Variants in CAMSAP2 observed in about 807,000 individuals in gnomAD.
CAMSAP2 encodes calmodulin-regulated spectrin-associated protein 2.
In CAMSAP2, 26 loss-of-function variants were observed where a neutral mutation model predicts 146.1. That is an observed-to-expected ratio of 0.18 (90% CI 0.13 to 0.25). The LOEUF (loss-of-function observed/expected upper bound fraction) is 0.25, where lower values mean the gene tolerates loss of function less well. Among genes scored for constraint, CAMSAP2 ranks in the 10% least tolerant of loss-of-function variants. The pLI, the probability that CAMSAP2 is intolerant of heterozygous loss-of-function variation, is 1.00. For missense variants in CAMSAP2, 1,381 were observed against 1,759.3 expected (o/e 0.78, Z 3.85); for synonymous variants, 499 against 596.6 (o/e 0.84, Z 2.38).
chr1:200,815,687 T>G, intron 4 of CAMSAP2, 43 bp downstream of exon 4: 1 of 969,628 alleles, frequency 1.0e-6, no homozygotes, highest in South Asian at 1.8e-5. Context: ...TGAGACTGTA[T>G]ATATGTTCAC....
chr1:200,825,560 G>A (rs547824575), intron 4 of CAMSAP2, among the ~76,000 whole-genome samples: 120 of 149,566 alleles, frequency 8.0e-4, no homozygotes, highest in Middle Eastern at 3.4e-3. Context: ...AGGCTGGAGT[G>A]CAATGGTGCG....
At chr1:200,754,275 ATGT>A (rs1048682307) in intron 1 of CAMSAP2, among the ~76,000 whole-genome samples, 4 of 152,172 alleles carry the variant, frequency 2.6e-5, no homozygotes, top group Non-Finnish European at 2.9e-5. Flanking sequence ...TGCAGAAGAG[ATGT>A]TGTAGTCTCA....
intron 2 of CAMSAP2, among the ~76,000 whole-genome samples, chr1:200,768,076 A>G (rs557426735): frequency 1.3e-5 from 2 of 152,332 alleles, no homozygotes; most frequent in East Asian, 3.9e-4. Context: ...GAGCTTCTGC[A>G]TTGTCCTTTG....
chr1:200,843,982 C>T (rs1667394304), intron 7 of CAMSAP2, among the ~76,000 whole-genome samples: 1 of 152,074 alleles, frequency 6.6e-6, no homozygotes, highest in African/African-American at 2.4e-5. Context: ...CGCCATTCTC[C>T]TGCCTCAGCC....
intron 4 of CAMSAP2, among the ~76,000 whole-genome samples, chr1:200,831,181 C>T (rs1024499546): frequency 5.3e-5 from 8 of 152,108 alleles, no homozygotes; most frequent in East Asian, 1.9e-4. Flanking sequence ...AAAATACTTT[C>T]GTGTGTACAT....
chr1:200,741,874 G>A (rs1049551938), intron 1 of CAMSAP2, among the ~76,000 whole-genome samples: 1 of 152,174 alleles, frequency 6.6e-6, no homozygotes, highest in African/African-American at 2.4e-5. Context: ...TGTAGGTAGT[G>A]TGTTCCCCAT....
chr1:200,848,573 A>G lies in CAMSAP2; in HGVS notation c.1804A>G (p.Ile602Val). The change falls in exon 11 of 17, where the codon ATA (isoleucine) becomes GTA (valine). Residue 602 changes from isoleucine (I) to valine (V), a missense_variant. Physicochemically the swap from Ile to Val is conservative, Grantham distance 29. Transcript: ENST00000358823. ...VTDTKGALSP[I>V]TDNTEVDTGI... ...TGATACGAAAGGTGCCTTGAGTCCC[A>G]TAACTGACAATACTGAAGTAGACAC... 1.2e-6 allele frequency: 2 copies of G among 1,614,136 alleles called. No homozygotes were observed. Among genetic ancestry groups the G allele is most frequent in the South Asian group, 1.1e-5 (1 of 91,086 alleles).
intron 1 of CAMSAP2, among the ~76,000 whole-genome samples, chr1:200,751,117 G>T (rs1664493942): frequency 6.6e-6 from 1 of 151,070 alleles, no homozygotes; most frequent in Non-Finnish European, 1.5e-5. Flanking sequence ...TGGCCAGGCT[G>T]ATCTTGAACT....
At chr1:200,768,946 C>T (rs1217498360) in intron 2 of CAMSAP2, among the ~76,000 whole-genome samples, 1 of 152,140 alleles carries the variant, frequency 6.6e-6, no homozygotes, top group African/African-American at 2.4e-5. Flanking sequence ...AGCCACTGTG[C>T]CTGGCTGGAG....
intron 2 of CAMSAP2, among the ~76,000 whole-genome samples, chr1:200,803,028 T>G (rs1032940239): frequency 7.2e-5 from 11 of 152,216 alleles, no homozygotes; most frequent in Non-Finnish European, 1.3e-4. Flanking sequence ...TTTTCTTCCA[T>G]AACCAGCCTT....
rs1667676362 is a variant in CAMSAP2 at position 200,853,475 on chromosome 1, C to T, written c.3803C>T (p.Thr1268Ile). ...AGAGATCATATTGAATCCCCCAAAA[C>T]ACCAATAAAGGGTCCTCCAGGTAAC... is the stretch of plus-strand genomic sequence containing the variant. ...IHRDHIESPK[T>I]PIKGPPVSSL... Residue 1268 changes from threonine (T) to isoleucine (I), a missense_variant, in exon 13 of 17, where the codon ACA (threonine) becomes ATA (isoleucine). Thr to Ile is a moderately conservative substitution (Grantham distance 89). Transcript: ENST00000358823. The surrounding 1 kb of genome is among the most constrained non-coding windows in gnomAD (Gnocchi z 5.1). 6.2e-7 allele frequency: 1 copy of T among 1,612,992 alleles called. No homozygotes were observed. The highest frequency in any genetic ancestry group is 8.5e-7 in the Non-Finnish European group (1 of 1,179,394).
In CAMSAP2 at chr1:200,860,252, TAC is replaced by T. The variant is rs1558215426; in HGVS notation, c.*2195_*2196del. On this transcript the variant is annotated 3_prime_UTR_variant, in exon 17 of 17. Transcript: ENST00000358823. ...TTTTTTAATTATGTTTTTAAAATTA[TAC>T]AGTTGAAAAATATGCCATTTCATAA... is the stretch of plus-strand genomic sequence containing the variant. 6.5e-6 allele frequency: 1 copy of T among 152,728 alleles called. No individual in the cohort carries two copies. The highest frequency in any genetic ancestry group is 2.4e-5 in the African/African-American group (1 of 41,464). 9.5% of individuals were successfully genotyped at this position (152,728 alleles called of 1,614,324 possible).
At chr1:200,786,254 T>C (rs1381686257) in intron 2 of CAMSAP2, among the ~76,000 whole-genome samples, 3 of 152,124 alleles carry the variant, frequency 2.0e-5, no homozygotes, top group African/African-American at 7.2e-5. Flanking sequence ...TTCTGTTCTT[T>C]ATTATTTCTT....
At chr1:200,785,991 A>G (rs892892015) in intron 2 of CAMSAP2, among the ~76,000 whole-genome samples, 2 of 152,180 alleles carry the variant, frequency 1.3e-5, no homozygotes, top group African/African-American at 2.4e-5. Flanking sequence ...CACCCAGCCA[A>G]TTTTGGTTAT....
intron 3 of CAMSAP2, among the ~76,000 whole-genome samples, chr1:200,814,000 C>T (rs772867010): frequency 4.7e-5 from 7 of 149,830 alleles, no homozygotes; most frequent in East Asian, 2.0e-4. Flanking sequence ...CCCAGCTATT[C>T]GAGAGGCCGA....
chr1:200,801,471 A>G (rs60803614), intron 2 of CAMSAP2, among the ~76,000 whole-genome samples: 426 of 152,106 alleles, frequency 2.8e-3, no homozygotes, highest in African/African-American at 9.4e-3. Flanking sequence ...GAATTTGAAT[A>G]TTGGCCTGTC....
chr1:200,855,045 G>A (rs1464512810), intron 14 of CAMSAP2, among the ~76,000 whole-genome samples, 156 bp downstream of exon 14: 2 of 150,324 alleles, frequency 1.3e-5, no homozygotes, highest in South Asian at 4.1e-4. Flanking sequence ...GACTGTTAGA[G>A]TTTCTGTTAA....
At position 200,849,227 on chromosome 1, in the gene CAMSAP2, G is replaced by T; in HGVS notation, c.2458G>T (p.Glu820Ter). 6.2e-7 allele frequency: 1 copy of T among 1,613,858 alleles called. No homozygotes were observed. The highest frequency in any genetic ancestry group is 1.1e-5 in the South Asian group (1 of 91,084). ...DEKVYTDRAK[E>*]KESQKTDGQR... ...GAAAGTATATACTGATCGAGCAAAAGAAAAGGAATCACAAAAAACTGATGG... is the reference window on the plus strand; with the variant it reads ...GAAAGTATATACTGATCGAGCAAAATAAAAGGAATCACAAAAAACTGATGG... The change falls in exon 11 of 17, where the codon GAA (glutamate) becomes TAA (stop). Residue 820 changes from glutamate to a stop codon, truncating the protein, a stop_gained. Coordinates refer to ENST00000358823, the MANE Select transcript of CAMSAP2 (RefSeq NM_203459.4). LOFTEE classifies it high-confidence loss of function. The surrounding 1 kb of genome is among the most constrained non-coding windows in gnomAD (Gnocchi z 6.3).
chr1:200,828,638 C>T (rs1384249088), intron 4 of CAMSAP2: 1 of 1,541,330 alleles, frequency 6.5e-7, no homozygotes, highest in South Asian at 1.2e-5. Flanking sequence ...GTTTGCTCTC[C>T]AGAATTGTAA....
Sources: allele counts gnomAD v4.1 joint callset (sites outside exome capture counted in the v4.1 genomes callset), GRCh38; gene constraint gnomAD v4.1.1; non-coding constraint Gnocchi (gnomAD v3.1); transcripts MANE v1.5; gene names NCBI Gene and HGNC (gene_info 2026-07-23, HGNC 2026-07-21).